Variants in ADAMTS19 observed in about 807,000 individuals in gnomAD.
ADAMTS19 encodes the protein ADAM metallopeptidase with thrombospondin type 1 motif 19, also known as A disintegrin and metalloproteinase with thrombospondin motifs 19.
In ADAMTS19, 93 loss-of-function variants were observed where a neutral mutation model predicts 153.3. That is an observed-to-expected ratio of 0.61 (90% CI 0.51 to 0.72). ADAMTS19 has a LOEUF of 0.72. ADAMTS19 is among the 30% of genes least tolerant of loss of function. ADAMTS19 has a pLI of 0.00. For missense variants in ADAMTS19, 1,482 were observed against 1,552.1 expected, an observed-to-expected ratio of 0.95 and a Z score of 0.76; for synonymous variants, 600 against 556.6, an observed-to-expected ratio of 1.08 and a Z score of -1.10.
chr5:129,592,961 T>C (rs1370203755), intron 7 of ADAMTS19, among the ~76,000 whole-genome samples: 1 of 152,214 alleles, frequency 6.6e-6, no homozygotes, highest in Non-Finnish European at 1.5e-5. Flanking sequence ...TTTATATACA[T>C]TTACATTTTA....
intron 21 of ADAMTS19, among the ~76,000 whole-genome samples, chr5:129,707,594 T>C (rs1756226218): frequency 6.6e-6 from 1 of 152,170 alleles, no homozygotes; most frequent in Non-Finnish European, 1.5e-5. Flanking sequence ...GAATAATGAA[T>C]GCCATGATTA....
intron 12 of ADAMTS19, among the ~76,000 whole-genome samples, chr5:129,648,534 T>C (rs1753168069): frequency 6.6e-6 from 1 of 152,204 alleles, no homozygotes; most frequent in African/African-American, 2.4e-5. Context: ...GTTTCTGCCC[T>C]TTACTCTAAT....
intron 8 of ADAMTS19, among the ~76,000 whole-genome samples, chr5:129,616,701 T>C (rs1479628351): frequency 6.6e-6 from 1 of 152,064 alleles, no homozygotes; most frequent in Non-Finnish European, 1.5e-5. Context: ...CAAAATGAAT[T>C]TAAACTGAGA....
At chr5:129,702,944 ATATATATATATAT>A (rs1755971770) in intron 20 of ADAMTS19, among the ~76,000 whole-genome samples, 18 of 21,892 alleles carry the variant, frequency 8.2e-4, no homozygotes, top group African/African-American at 1.6e-3. Context: ...AAAAAAAAAT[ATATATATATATAT>A]ATATATATAT....
chr5:129,636,854 C>A (rs30693), intron 10 of ADAMTS19, among the ~76,000 whole-genome samples: 24,885 of 152,062 alleles, frequency 0.16, 2,285 homozygotes, highest in East Asian at 0.31. Context: ...ATTGCTTTTC[C>A]GTCCTTTCTT....
intron 7 of ADAMTS19, among the ~76,000 whole-genome samples, chr5:129,588,869 A>C (rs1749953273): frequency 6.6e-6 from 1 of 151,728 alleles, no homozygotes; most frequent in African/African-American, 2.4e-5. Flanking sequence ...TAATTTGACT[A>C]CTAATATATT....
At chr5:129,650,239 C>T (rs1753258207) in intron 13 of ADAMTS19, among the ~76,000 whole-genome samples, 1 of 152,088 alleles carries the variant, frequency 6.6e-6, no homozygotes, top group African/African-American at 2.4e-5. Context: ...GTTGCAGCCA[C>T]CAAAAGTGGT....
chr5:129,478,877 A>G (rs1308406330), intron 2 of ADAMTS19, among the ~76,000 whole-genome samples: 1 of 152,122 alleles, frequency 6.6e-6, no homozygotes, highest in East Asian at 1.9e-4. Context: ...TCACAAGAGG[A>G]AAATCAATGA....
intron 21 of ADAMTS19, among the ~76,000 whole-genome samples, chr5:129,731,457 C>G (rs1757440969): frequency 6.6e-6 from 1 of 152,022 alleles, no homozygotes; most frequent in Admixed American, 6.6e-5. Flanking sequence ...TGGGCTTTAT[C>G]TTGTAGGCAA....
intron 8 of ADAMTS19, among the ~76,000 whole-genome samples, chr5:129,618,254 C>T (rs1751619311): frequency 6.6e-6 from 1 of 151,934 alleles, no homozygotes; most frequent in Non-Finnish European, 1.5e-5. Context: ...CATTTATCTT[C>T]CTATTTTCTC....
At chr5:129,694,572 A>G in intron 18 of ADAMTS19, 148 bp from the exon 19 acceptor site, 2 of 357,668 alleles carry the variant, frequency 5.6e-6, no homozygotes, top group Non-Finnish European at 9.0e-6. Context: ...TACATCTAAT[A>G]TGAATCAATA....
chr5:129,633,457 G>C (rs1195079302), intron 10 of ADAMTS19, among the ~76,000 whole-genome samples: 1 of 152,054 alleles, frequency 6.6e-6, no homozygotes, highest in Non-Finnish European at 1.5e-5. Flanking sequence ...TTATATTATA[G>C]AGCAAACATG....
intron 3 of ADAMTS19, among the ~76,000 whole-genome samples, chr5:129,524,739 T>C (rs984413546): frequency 2.0e-5 from 3 of 151,026 alleles, no homozygotes; most frequent in Non-Finnish European, 4.4e-5. Flanking sequence ...GTTCTGCACA[T>C]GTATCCCAGA....
intron 16 of ADAMTS19, among the ~76,000 whole-genome samples, chr5:129,677,921 A>T (rs1213114672): frequency 6.6e-6 from 1 of 151,840 alleles, no homozygotes; most frequent in Non-Finnish European, 1.5e-5. Flanking sequence ...CAAGCGATCC[A>T]CCCACCTCAG....
chr5:129,625,246 T>A (rs1410445163), intron 10 of ADAMTS19, among the ~76,000 whole-genome samples: 1 of 152,222 alleles, frequency 6.6e-6, no homozygotes, highest in Non-Finnish European at 1.5e-5. Context: ...CTGATGGACA[T>A]TTGGGTTGGT....
At chr5:129,623,817 G>A (rs1751893781) in intron 10 of ADAMTS19, among the ~76,000 whole-genome samples, 1 of 151,778 alleles carries the variant, frequency 6.6e-6, no homozygotes, top group South Asian at 2.1e-4. Flanking sequence ...TGCATCAGAT[G>A]TGATGTGTAA....
At chr5:129,582,753 T>C (rs547810335) in intron 7 of ADAMTS19, among the ~76,000 whole-genome samples, 13 of 151,382 alleles carry the variant, frequency 8.6e-5, no homozygotes, top group African/African-American at 3.1e-4. Context: ...TTTTTTTTTT[T>C]TGTATTTTTT....
chr5:129,516,260 T>A (rs1477789933), intron 3 of ADAMTS19, among the ~76,000 whole-genome samples: 1 of 149,318 alleles, frequency 6.7e-6, no homozygotes, highest in East Asian at 2.0e-4. Context: ...TTAATTTATG[T>A]GTCTTTTTTT....
intron 13 of ADAMTS19, among the ~76,000 whole-genome samples, chr5:129,653,330 C>T (rs1753398593): frequency 6.6e-6 from 1 of 152,198 alleles, no homozygotes; most frequent in East Asian, 1.9e-4. Flanking sequence ...TCTGACGTTT[C>T]AGATTTGGAT....
Sources: allele counts gnomAD v4.1 joint callset (sites outside exome capture counted in the v4.1 genomes callset), GRCh38; gene constraint gnomAD v4.1.1; transcripts MANE v1.5; gene names NCBI Gene and HGNC (gene_info 2026-07-23, HGNC 2026-07-21).